The following ARB2A variants were observed in gnomAD, a reference collection of about 807,000 sequenced individuals.
ARB2A encodes ARB2 cotranscriptional regulator A.
At chr5:93,717,802 G>T in the ARB2A span, among the ~76,000 whole-genome samples, 1 of 150,706 alleles carries the variant, frequency 6.6e-6, no homozygotes, top group Non-Finnish European at 1.5e-5. Flanking sequence ...TATTAATGTT[G>T]CTATAAATGA....
At chr5:93,947,014 C>T in the ARB2A span, among the ~76,000 whole-genome samples, 1 of 152,078 alleles carries the variant, frequency 6.6e-6, no homozygotes, top group Non-Finnish European at 1.5e-5. Flanking sequence ...TTCTCATTTC[C>T]TCTGTGCTAT....
At chr5:93,895,405 A>G in the ARB2A span, among the ~76,000 whole-genome samples, 12 of 152,310 alleles carry the variant, frequency 7.9e-5, no homozygotes, top group South Asian at 1.7e-3. Context: ...TGCTCTATCA[A>G]TTACTGTAAA....
chr5:94,037,483 G>A, the ARB2A span, among the ~76,000 whole-genome samples: 1 of 152,036 alleles, frequency 6.6e-6, no homozygotes, highest in Admixed American at 6.6e-5. Context: ...TTAATGAATA[G>A]CCTAATCAAC....
the ARB2A span, among the ~76,000 whole-genome samples, chr5:93,634,233 C>T: frequency 1.3e-5 from 2 of 151,762 alleles, no homozygotes; most frequent in African/African-American, 2.4e-5. Context: ...AACCCCGTCT[C>T]TACTAAAAAT....
At chr5:93,995,218 G>C in the ARB2A span, among the ~76,000 whole-genome samples, 1 of 152,164 alleles carries the variant, frequency 6.6e-6, no homozygotes, top group South Asian at 2.1e-4. Flanking sequence ...CACGTGTTGT[G>C]AGTACCCACT....
chr5:93,624,560 T>C, the ARB2A span, among the ~76,000 whole-genome samples: 4 of 152,170 alleles, frequency 2.6e-5, no homozygotes, highest in African/African-American at 9.7e-5. Context: ...CAATTCAGTA[T>C]AAAAGTAAAA....
the ARB2A span, among the ~76,000 whole-genome samples, chr5:93,664,711 A>G: frequency 1.3e-5 from 2 of 151,332 alleles, no homozygotes; most frequent in Non-Finnish European, 2.9e-5. Flanking sequence ...TATACAAATA[A>G]ATAAAGGTTG....
At chr5:94,021,171 T>G in the ARB2A span, among the ~76,000 whole-genome samples, 63 of 152,298 alleles carry the variant, frequency 4.1e-4, no homozygotes, top group African/African-American at 1.4e-3. Flanking sequence ...GAAACATTCA[T>G]TCTAACAAGG....
chr5:93,837,911 T>C, the ARB2A span, among the ~76,000 whole-genome samples: 1 of 152,186 alleles, frequency 6.6e-6, no homozygotes, highest in Non-Finnish European at 1.5e-5. Context: ...ATATTAAACC[T>C]TTGTCAGATG....
chr5:93,705,285 T>C, the ARB2A span, among the ~76,000 whole-genome samples: 2 of 152,312 alleles, frequency 1.3e-5, 1 homozygote, highest in South Asian at 4.1e-4. Context: ...TATATGTAAT[T>C]CACTTAGTAT....
the ARB2A span, among the ~76,000 whole-genome samples, chr5:94,050,349 G>A: frequency 6.7e-6 from 1 of 150,272 alleles, no homozygotes; most frequent in African/African-American, 2.5e-5. Context: ...CCGCCTCCCA[G>A]GTTCAAGCGA....
chr5:93,743,458 T>A, the ARB2A span: 2 of 778,184 alleles, frequency 2.6e-6, no homozygotes, highest in Non-Finnish European at 3.1e-6. Context: ...GATGACAGTC[T>A]ATAAAAAACA....
the ARB2A span, among the ~76,000 whole-genome samples, chr5:93,654,509 A>C: frequency 1.3e-5 from 2 of 152,228 alleles, no homozygotes; most frequent in Non-Finnish European, 2.9e-5. Flanking sequence ...GGAACATCAC[A>C]TAAAAAATGT....
the ARB2A span, among the ~76,000 whole-genome samples, chr5:93,795,985 T>C: frequency 1.2e-4 from 19 of 152,190 alleles, no homozygotes; most frequent in Non-Finnish European, 2.9e-5. Context: ...CAAAACTAAA[T>C]GCATCTAAGT....
the ARB2A span, among the ~76,000 whole-genome samples, chr5:94,004,225 T>G: frequency 6.6e-6 from 1 of 152,132 alleles, no homozygotes; most frequent in Non-Finnish European, 1.5e-5. Context: ...ACTATAAAAC[T>G]TCTAGAAAAA....
At chr5:93,857,249 A>G in the ARB2A span, among the ~76,000 whole-genome samples, 1 of 152,088 alleles carries the variant, frequency 6.6e-6, no homozygotes, top group African/African-American at 2.4e-5. Flanking sequence ...GACCCACTTG[A>G]GGAGGCAGTC....
At chr5:93,639,969 C>T in the ARB2A span, among the ~76,000 whole-genome samples, 7 of 147,122 alleles carry the variant, frequency 4.8e-5, no homozygotes, top group South Asian at 2.2e-4. Flanking sequence ...GGCTTGAATC[C>T]GGGAGGCGGA....
chr5:93,919,539 C>T, the ARB2A span, among the ~76,000 whole-genome samples: 20 of 152,148 alleles, frequency 1.3e-4, 1 homozygote, highest in South Asian at 2.1e-4. Context: ...TTGGAGAGCA[C>T]GGTAACATAT....
At chr5:94,031,675 G>A in the ARB2A span, among the ~76,000 whole-genome samples, 2 of 152,206 alleles carry the variant, frequency 1.3e-5, no homozygotes, top group Non-Finnish European at 2.9e-5. Context: ...ACAGAAGTCA[G>A]GTACTAACCA....
Sources: gnomAD v4.1 joint callset for allele counts (sites outside exome capture counted in the v4.1 genomes callset) on GRCh38, gnomAD v4.1.1 for gene constraint, MANE v1.5 for transcripts, NCBI Gene and HGNC (gene_info 2026-07-23, HGNC 2026-07-21) for gene names.